CARMIL1: variants seen among roughly 807,000 people sequenced by gnomAD.
CARMIL1 encodes the protein capping protein regulator and myosin 1 linker 1.
CARMIL1 carries 90 observed loss-of-function variants against 177.1 expected under a neutral mutation model. The ratio of observed to expected loss-of-function variants is 0.51; its 90% CI spans 0.43 to 0.61. The LOEUF is 0.61. CARMIL1 is among the 20% of genes least tolerant of loss of function. CARMIL1 has a pLI of 0.00. For synonymous variants in CARMIL1, 577 were observed against 606.2 expected, an observed-to-expected ratio of 0.95 and a Z score of 0.71; for missense variants, 1,380 against 1,667.0, an observed-to-expected ratio of 0.83 and a Z score of 3.00.
intron 36 of CARMIL1, among the ~76,000 whole-genome samples, chr6:25,619,038 GCT>G (rs1759521689): frequency 1.3e-5 from 2 of 152,170 alleles, no homozygotes; most frequent in African/African-American, 4.8e-5. Context: ...TCTCCTCAAA[GCT>G]CTGTCTGCCC....
chr6:25,485,875 G>A (rs1483006589), intron 12 of CARMIL1, among the ~76,000 whole-genome samples: 3 of 151,724 alleles, frequency 2.0e-5, no homozygotes, highest in Admixed American at 2.0e-4. Flanking sequence ...TTACATTGCA[G>A]TGTTAAGCTT....
chr6:25,316,342 A>G (rs535665198), intron 2 of CARMIL1, among the ~76,000 whole-genome samples: 1 of 151,890 alleles, frequency 6.6e-6, no homozygotes, highest in Admixed American at 6.5e-5. Flanking sequence ...CCTCATGGAC[A>G]GCTGTTTCTC....
At chr6:25,329,982 A>G (rs927648519) in intron 2 of CARMIL1, among the ~76,000 whole-genome samples, 1 of 152,244 alleles carries the variant, frequency 6.6e-6, no homozygotes, top group African/African-American at 2.4e-5. Flanking sequence ...AGCGTCAGAC[A>G]TTCATTGTTA....
rs566286086 is a variant in CARMIL1, at chr6:25,558,387, T to G, written c.2742+1537T>G. Among the ~76,000 whole-genome samples the G allele has an allele frequency of 6.6e-6, 1 of 152,220 alleles. No homozygotes were observed. Among genetic ancestry groups the G allele is most frequent in the Non-Finnish European group, 1.5e-5 (1 of 68,042 alleles). ...GGTTATGAAAGACTGGCTCACCTAC[T>G]GTAACGTTGGTTTTAAACTGTGTAA... On this transcript the variant is annotated intron_variant, in intron 29 of 36. Transcript: ENST00000329474. This position sits in a 1 kb window ranked among gnomAD's most constrained non-coding sequence, Gnocchi z 4.1.
intron 11 of CARMIL1, among the ~76,000 whole-genome samples, chr6:25,476,040 C>T (rs1034829142): frequency 2.6e-5 from 4 of 152,178 alleles, no homozygotes; most frequent in Admixed American, 6.5e-5. Context: ...TGTAAGACTT[C>T]GTCCACAATC....
intron 31 of CARMIL1, among the ~76,000 whole-genome samples, chr6:25,592,383 A>G (rs541085436): frequency 3.3e-5 from 5 of 152,374 alleles, no homozygotes; most frequent in African/African-American, 9.6e-5. Context: ...AAAATAATAT[A>G]ATACAAGCAA....
chr6:25,392,474 C>T (rs1792960253), intron 2 of CARMIL1, among the ~76,000 whole-genome samples: 1 of 152,172 alleles, frequency 6.6e-6, no homozygotes, highest in African/African-American at 2.4e-5. Context: ...AGTCTGTTTT[C>T]CTGTCATTCT....
rs10642536 is a variant in CARMIL1, at chr6:25,281,136, G to GCGCGCACACACACACA, written c.40+1302_40+1303insGCGCACACACACACAC. 2.8e-3 allele frequency among the ~76,000 whole-genome samples: 372 copies of GCGCGCACACACACACA among 132,174 alleles called. 2 individuals carry two copies. Among genetic ancestry groups the GCGCGCACACACACACA allele is most frequent in the South Asian group, 7.7e-3 (28 of 3,656 alleles). The allele number at this position is 132,174 out of a possible 152,430, so 86.7% of individuals were successfully genotyped here. A position where few individuals can be genotyped will look rare whatever the true frequency, so the allele number is the denominator to read the frequency against. On this transcript the variant is annotated intron_variant, in intron 1 of 36. Coordinates refer to ENST00000329474, the MANE Select transcript of CARMIL1 (RefSeq NM_017640.6). ...CAGACGCACGCGCGTGTGCGCGCGCGCACACACACACACACACACACACAC... is the reference window on the plus strand; with the variant it reads ...CAGACGCACGCGCGTGTGCGCGCGCGCGCGCACACACACACACACACACACACACACACACACACAC...
In CARMIL1 at chr6:25,435,658, C is replaced by T. The variant is rs559588003; in HGVS notation, c.371+54C>T. 137 of 1,512,616 alleles carry T rather than the reference C, an allele frequency of 9.1e-5. 2 individuals carry two copies. Among genetic ancestry groups the T allele is most frequent in the South Asian group, 2.4e-4 (19 of 77,566 alleles). The allele number at this position is 1,512,616 out of a possible 1,614,324, so 93.7% of individuals were successfully genotyped here. A position where few individuals can be genotyped will look rare whatever the true frequency, so the allele number is the denominator to read the frequency against. On this transcript the variant is annotated intron_variant, in intron 5 of 36. Coordinates refer to ENST00000329474, the MANE Select transcript of CARMIL1 (RefSeq NM_017640.6). ...GCAAAGAACCTGTTCTTCCTCAAAA[C>T]GGCAAATACAACAATGCCTTCTTTT... is the stretch of plus-strand genomic sequence containing the variant.
chr6:25,474,220 G>A (rs540512974), intron 11 of CARMIL1, among the ~76,000 whole-genome samples: 48 of 151,172 alleles, frequency 3.2e-4, no homozygotes, highest in African/African-American at 1.1e-3. Flanking sequence ...CCATTCTCCT[G>A]CCTCAGCCTC....
At chr6:25,578,463 T>A (rs995916936) in intron 29 of CARMIL1, among the ~76,000 whole-genome samples, 6 of 152,304 alleles carry the variant, frequency 3.9e-5, no homozygotes, top group African/African-American at 1.4e-4. Context: ...TACATTGTTA[T>A]ATTTCCTCTT....
intron 2 of CARMIL1, among the ~76,000 whole-genome samples, chr6:25,337,421 TTGA>T (rs1179174555): frequency 6.6e-6 from 1 of 152,218 alleles, no homozygotes; most frequent in African/African-American, 2.4e-5. Flanking sequence ...TCTTCTAACC[TTGA>T]TGATCTCACC....
intron 26 of CARMIL1, among the ~76,000 whole-genome samples, chr6:25,546,136 G>T (rs1809440137): frequency 6.6e-6 from 1 of 151,954 alleles, no homozygotes; most frequent in South Asian, 2.1e-4. Context: ...TTTTTTGTAG[G>T]TCTACTTTTT....
At chr6:25,500,610 A>C (rs1170965077) in intron 17 of CARMIL1, among the ~76,000 whole-genome samples, 1 of 152,194 alleles carries the variant, frequency 6.6e-6, no homozygotes, top group South Asian at 2.1e-4. Flanking sequence ...GATTTTGTAG[A>C]GCGTGAAAGA....
At chr6:25,484,716 T>C (rs1164057965) in intron 12 of CARMIL1, among the ~76,000 whole-genome samples, 1 of 152,250 alleles carries the variant, frequency 6.6e-6, no homozygotes, top group Non-Finnish European at 1.5e-5. Context: ...GTCCTTTGTA[T>C]TTCTTTTAGG....
chr6:25,425,125 C>T (rs1323274469), intron 3 of CARMIL1, among the ~76,000 whole-genome samples: 1 of 152,160 alleles, frequency 6.6e-6, no homozygotes. Flanking sequence ...TGCTTTTAAA[C>T]ATGTGCCTTA....
Position 25,420,165 on chromosome 6 carries a change from G to GT in CARMIL1, c.189+2dup. 1 of 1,613,390 alleles carries GT rather than the reference G, an allele frequency of 6.2e-7. No homozygotes were observed. Among genetic ancestry groups the GT allele is most frequent in the South Asian group, 1.1e-5 (1 of 91,062 alleles). On this transcript the variant is annotated splice_donor_variant, in intron 3 of 36. Transcript: ENST00000329474. LOFTEE classifies it high-confidence loss of function. ...TGTAACAGCGCGAATCCCCACCAAGGTAAGTGTTGATGAAGTCCTTCCTTC... is the reference window on the plus strand; with the variant it reads ...TGTAACAGCGCGAATCCCCACCAAGGTTAAGTGTTGATGAAGTCCTTCCTTC...
In CARMIL1 at chr6:25,586,687, C is replaced by T. The variant is rs113422684; in HGVS notation, c.3006+5248C>T. On this transcript the variant is annotated intron_variant, in intron 31 of 36. Transcript: ENST00000329474. ...AACATTGAGCATTGAGTGAGCGAGA[C>T]TCCGTCTGCAATCCCGGCACCTCGG... Among the ~76,000 whole-genome samples the T allele has an allele frequency of 3.0e-3, 457 of 152,302 alleles. 5 individuals are homozygous for T. Among genetic ancestry groups the T allele is most frequent in the African/African-American group, 9.7e-3 (402 of 41,558 alleles).
At chr6:25,403,523 C>T (rs906971897) in intron 2 of CARMIL1, among the ~76,000 whole-genome samples, 1 of 152,182 alleles carries the variant, frequency 6.6e-6, no homozygotes, top group Non-Finnish European at 1.5e-5. Flanking sequence ...CACCTTATCA[C>T]CCCTCTGACC....
Sources: gnomAD v4.1 joint callset for allele counts (sites outside exome capture counted in the v4.1 genomes callset) on GRCh38, gnomAD v4.1.1 for gene constraint, Gnocchi (gnomAD v3.1) non-coding constraint, MANE v1.5 for transcripts, NCBI Gene and HGNC (gene_info 2026-07-23, HGNC 2026-07-21) for gene names.